The following MMP17 variants were observed in gnomAD, a reference collection of about 807,000 sequenced individuals.
The protein encoded by MMP17 is matrix metallopeptidase 17.
MMP17 carries 54 observed loss-of-function variants against 49.1 expected under a neutral mutation model. The observed-to-expected ratio is 1.10, with a 90% CI of 0.88 to 1.38. The LOEUF is 1.38. Among genes scored for constraint, MMP17 ranks in the 40% most tolerant of loss-of-function variants. MMP17 has a pLI of 0.00. For synonymous variants in MMP17, 397 were observed against 383.1 expected (o/e 1.04, Z -0.42); for missense variants, 837 against 853.7 (o/e 0.98, Z 0.24).
chr12:131,847,808 G>T (rs1207840310), intron 8 of MMP17, among the ~76,000 whole-genome samples: 1 of 152,224 alleles, frequency 6.6e-6, no homozygotes, highest in South Asian at 2.1e-4. Context: ...GGGTGTGAGG[G>T]GTTGGTCACC....
intron 8 of MMP17, among the ~76,000 whole-genome samples, chr12:131,849,009 C>G (rs982348457): frequency 6.6e-6 from 1 of 152,214 alleles, no homozygotes. Context: ...AGCGGCTGCA[C>G]AATTTCATAC....
chr12:131,845,131 G>C lies in MMP17; in HGVS notation c.982G>C (p.Val328Leu). 1 of 1,600,502 alleles carries C rather than the reference G, an allele frequency of 6.2e-7. No individual in the cohort carries two copies. The highest frequency in any genetic ancestry group is 8.5e-7 in the Non-Finnish European group (1 of 1,176,390). Reference protein sequence around the residue: ...NRSSAPPRKDVPHRCSTHFDA... With the variant: ...NRSSAPPRKDLPHRCSTHFDA... ...CTCTCCCTGCAGGCCCAGGAAGGACGTGCCCCACAGATGCAGCACTCACTT... is the reference window on the plus strand; with the variant it reads ...CTCTCCCTGCAGGCCCAGGAAGGACCTGCCCCACAGATGCAGCACTCACTT... The change falls in exon 7 of 10, where the codon GTG becomes CTG. Residue 328 changes from valine (V) to leucine (L), a missense_variant. Coordinates refer to ENST00000360564, the MANE Select transcript of MMP17 (RefSeq NM_016155.7).
At chr12:131,840,949 G>A (rs1315029345) in intron 4 of MMP17, 93 bp downstream of exon 4, 16 of 1,390,956 alleles carry the variant, frequency 1.2e-5, no homozygotes, top group African/African-American at 4.4e-5. Context: ...CCAACCCTGC[G>A]GCTGAAAACA....
intron 5 of MMP17, among the ~76,000 whole-genome samples, chr12:131,842,744 G>A (rs781588501): frequency 7.3e-5 from 11 of 151,676 alleles, no homozygotes; most frequent in Non-Finnish European, 1.6e-4. Flanking sequence ...CTGCACTCCA[G>A]CCTGGGTGGC....
In MMP17 at chr12:131,844,050, C is replaced by T. The variant is rs1421627538; in HGVS notation, c.937C>T (p.Pro313Ser). The T allele has an allele frequency of 6.4e-7, 1 of 1,568,950 alleles. No homozygotes were observed. The highest frequency in any genetic ancestry group is 2.4e-5 in the East Asian group (1 of 42,444). ...GCAGCCCGAGGAGCCTCCCCTGCTG[C>T]CGGAGCCCCCAGACAACCGGTCCAG... is the stretch of plus-strand genomic sequence containing the variant. Reference protein sequence around the residue: ...TAQPEEPPLLPEPPDNRSSAP... With the variant: ...TAQPEEPPLLSEPPDNRSSAP... The change falls in exon 6 of 10, where the codon CCG becomes TCG. Residue 313 changes from proline (P) to serine (S), a missense_variant. Pro to Ser is a moderately conservative substitution (Grantham distance 74). Coordinates refer to ENST00000360564, the MANE Select transcript of MMP17 (RefSeq NM_016155.7).
chr12:131,851,258 A>G lies in MMP17; in HGVS notation c.1796A>G (p.Gln599Arg), dbSNP rs1334504070. The G allele has an allele frequency of 9.8e-6, 14 of 1,434,158 alleles. No individual in the cohort carries two copies. The highest frequency in any genetic ancestry group is 1.2e-5 in the Non-Finnish European group (13 of 1,090,844). 88.8% of individuals were successfully genotyped at this position (1,434,158 alleles called of 1,614,324 possible). Reference sequence around the variant, plus strand: ...CCAGGCGCCCTGTGGACAGCGGCCCAGGCCCTGACGCTATGACACACAGCG... The same window carrying G: ...CCAGGCGCCCTGTGGACAGCGGCCCGGGCCCTGACGCTATGACACACAGCG... ...LSPGALWTAAQALTL is the reference protein window; with the variant it reads ...LSPGALWTAARALTL Residue 599 changes from glutamine to arginine, a missense_variant, in exon 10 of 10, where the codon CAG becomes CGG. Coordinates refer to ENST00000360564, the MANE Select transcript of MMP17 (RefSeq NM_016155.7).
At chr12:131,845,960 C>T (rs1225747766) in intron 8 of MMP17, among the ~76,000 whole-genome samples, 3 of 152,154 alleles carry the variant, frequency 2.0e-5, no homozygotes, top group South Asian at 2.1e-4. Flanking sequence ...CTGCTAGGGC[C>T]GGCCTGCCTC....
intron 8 of MMP17, among the ~76,000 whole-genome samples, chr12:131,847,227 A>G (rs963031258): frequency 6.6e-6 from 1 of 152,014 alleles, no homozygotes; most frequent in Non-Finnish European, 1.5e-5. Flanking sequence ...CCTGGTTAAC[A>G]CGGTGAAACC....
intron 8 of MMP17, 70 bp downstream of exon 8, chr12:131,845,519 G>T (rs1887664047): frequency 1.3e-6 from 2 of 1,486,112 alleles, no homozygotes; most frequent in South Asian, 2.7e-5. Flanking sequence ...GGACGGAGAG[G>T]GTCCAGCCTG....
chr12:131,833,036 C>G (rs917122363), intron 1 of MMP17, among the ~76,000 whole-genome samples: 19 of 152,236 alleles, frequency 1.2e-4, no homozygotes, highest in African/African-American at 4.1e-4. Context: ...GGCGGAGACC[C>G]GGAAGCCAAC....
chr12:131,850,177 C>A, intron 9 of MMP17, 118 bp downstream of exon 9: 1 of 1,352,740 alleles, frequency 7.4e-7, no homozygotes, highest in Non-Finnish European at 9.8e-7. Context: ...TCGGTGTGGG[C>A]TCTGAGGGTC....
At chr12:131,844,159 A>C in intron 6 of MMP17, 78 bp downstream of exon 6, 2 of 1,258,738 alleles carry the variant, frequency 1.6e-6, no homozygotes, top group Non-Finnish European at 1.1e-6. Flanking sequence ...TTTGCCCCAA[A>C]TCGTGGCTCA....
In MMP17 at chr12:131,849,833, C is replaced by A; in HGVS notation, c.1236C>A (p.Asn412Lys). Reference sequence around the variant, plus strand: ...GGTACTGGGTGTTCAAGGACAATAACGTAGAGGAAGGATACCCGCGCCCCG... The same window carrying A: ...GGTACTGGGTGTTCAAGGACAATAAAGTAGAGGAAGGATACCCGCGCCCCG... ...GDRYWVFKDN[N>K]VEEGYPRPVS... Residue 412 changes from asparagine to lysine, a missense_variant, in exon 9 of 10, where the codon AAC becomes AAA. Asn to Lys is a moderately conservative substitution (Grantham distance 94, BLOSUM62 0). Transcript: ENST00000360564. 1 of 1,613,850 alleles carries A rather than the reference C, an allele frequency of 6.2e-7. No individual in the cohort carries two copies. Among genetic ancestry groups the A allele is most frequent in the Non-Finnish European group, 8.5e-7 (1 of 1,179,972 alleles).
At chr12:131,832,855 T>A (rs553254733) in intron 1 of MMP17, among the ~76,000 whole-genome samples, 87 of 152,260 alleles carry the variant, frequency 5.7e-4, no homozygotes, top group Non-Finnish European at 9.6e-4. Flanking sequence ...CGCTGTGTGT[T>A]TTCCCTGCCA....
At chr12:131,847,315 A>C (rs1001696644) in intron 8 of MMP17, among the ~76,000 whole-genome samples, 2 of 150,540 alleles carry the variant, frequency 1.3e-5, no homozygotes, top group Non-Finnish European at 2.9e-5. Flanking sequence ...CGGGAGGCTG[A>C]GGCAGGAGAA....
At chr12:131,849,000 G>A (rs974826354) in intron 8 of MMP17, among the ~76,000 whole-genome samples, 2 of 152,188 alleles carry the variant, frequency 1.3e-5, no homozygotes, top group Non-Finnish European at 2.9e-5. Context: ...GTCTCCCGCA[G>A]CGGCTGCACA....
At chr12:131,840,540 C>T (rs757787969) in intron 3 of MMP17, 33 bp from the exon 4 acceptor site, 11 of 1,541,942 alleles carry the variant, frequency 7.1e-6, no homozygotes, top group East Asian at 2.3e-5. Context: ...GCCTGTTCTC[C>T]GTGACTCACT....
At position 131,851,345 on chromosome 12, in the gene MMP17, G is replaced by A. The variant is rs539143522; in HGVS notation, c.*71G>A. 1.6e-4 allele frequency: 210 copies of A among 1,275,930 alleles called. No homozygotes were observed. Among genetic ancestry groups the A allele is most frequent in the Non-Finnish European group, 1.9e-4 (194 of 994,872 alleles). The allele number at this position is 1,275,930 out of a possible 1,614,324, so 79.0% of individuals were successfully genotyped here. ...GGCCACAGAGGGCAAGGACTGTGCC[G>A]GAGTCCCTGGGGGAGGTGCTGGCGC... On this transcript the variant is annotated 3_prime_UTR_variant, in exon 10 of 10. Transcript: ENST00000360564.
At chr12:131,831,335 T>G (rs1317274902) in intron 1 of MMP17, among the ~76,000 whole-genome samples, 3 of 152,144 alleles carry the variant, frequency 2.0e-5, no homozygotes, top group Non-Finnish European at 4.4e-5. Flanking sequence ...TCCCTTGATC[T>G]TCTGTAGGAG....
Sources: gnomAD v4.1 joint callset for allele counts (sites outside exome capture counted in the v4.1 genomes callset) on GRCh38, gnomAD v4.1.1 for gene constraint, MANE v1.5 for transcripts, NCBI Gene and HGNC (gene_info 2026-07-23, HGNC 2026-07-21) for gene names.